The following NUAK2 variants were observed in gnomAD, a reference collection of about 807,000 sequenced individuals.
NUAK2 encodes NUAK family kinase 2, also known as NUAK family SNF1-like kinase 2.
A neutral mutation model predicts 29.8 loss-of-function variants in NUAK2; 20 were observed. That is an observed-to-expected ratio of 0.67 (90% CI 0.47 to 0.98). The LOEUF is 0.98. NUAK2 is among the 50% of genes least tolerant of loss of function. The pLI is 0.00. For missense variants in NUAK2, 719 were observed against 834.5 expected, an observed-to-expected ratio of 0.86 and a Z score of 1.71; for synonymous variants, 331 against 342.6, an observed-to-expected ratio of 0.97 and a Z score of 0.37.
In NUAK2 at chr1:205,303,058, T is replaced by C. The variant is rs140643045; in HGVS notation, c.*392A>G. The C allele has an allele frequency of 2.8e-4, 44 of 158,066 alleles. No homozygotes were observed. Among genetic ancestry groups the C allele is most frequent in the Non-Finnish European group, 4.6e-4 (33 of 72,414 alleles). The allele number at this position is 158,066 out of a possible 1,614,324, so 9.8% of individuals were successfully genotyped here. A position where few individuals can be genotyped will look rare whatever the true frequency, so the allele number is the denominator to read the frequency against. On this transcript the variant is annotated 3_prime_UTR_variant, in exon 7 of 7. Coordinates refer to ENST00000367157, the MANE Select transcript of NUAK2 (RefSeq NM_030952.3). ...GGTCTGGCCCCACTTGGGCAGGGAA[T>C]GAGTAGGGAAGGAGCTGTCCTTAGA... is the stretch of plus-strand genomic sequence containing the variant.
In NUAK2 at chr1:205,307,733, G is replaced by T. The variant is rs574245161; in HGVS notation, c.570+432C>A. Among the ~76,000 whole-genome samples the T allele has an allele frequency of 1.2e-4, 18 of 152,320 alleles. No homozygotes were observed. In the South Asian group the frequency reaches 3.3e-3, roughly 28 times the overall value. On this transcript the variant is annotated intron_variant, in intron 4 of 6. Coordinates refer to ENST00000367157, the MANE Select transcript of NUAK2 (RefSeq NM_030952.3). ...TTCATCTGTGGGAAGTTTCCAAAGG[G>T]CTATCTAATTGTACCAGATTAAAGC...
chr1:205,306,403 A>C lies in NUAK2; in HGVS notation c.571-96T>G, dbSNP rs1662181150. ...CCTTCTCCAGACCCTGGGGAAACCC[A>C]AGCTCCAATAGAAGGAAAGGGTCCC... On this transcript the variant is annotated intron_variant, in intron 4 of 6. Transcript: ENST00000367157. 6.1e-6 allele frequency: 9 copies of C among 1,467,660 alleles called. No homozygotes were observed. In the Admixed American group the frequency reaches 1.4e-4, roughly 22 times the overall value. The allele number at this position is 1,467,660 out of a possible 1,614,324, so 90.9% of individuals were successfully genotyped here.
rs11589331 is a variant in NUAK2, at chr1:205,304,656, A to G, written c.824-143T>C. ...CGTCCCTTCCAACCTAGGGCTCTAT[A>G]CATGCCTTGGCCCAGGACAGCTCCC... On this transcript the variant is annotated intron_variant, in intron 6 of 6. Coordinates refer to ENST00000367157, the MANE Select transcript of NUAK2 (RefSeq NM_030952.3). This position sits in a 1 kb window ranked among gnomAD's most constrained non-coding sequence, Gnocchi z 6.5. 0.097 allele frequency: 68,990 copies of G among 710,494 alleles called. 3,946 individuals are homozygous for G. Among genetic ancestry groups the G allele is most frequent in the Non-Finnish European group, 0.11 (49,005 of 439,744 alleles). 44.0% of individuals were successfully genotyped at this position (710,494 alleles called of 1,614,324 possible). A position where few individuals can be genotyped will look rare whatever the true frequency, so the allele number is the denominator to read the frequency against.
Position 205,302,568 on chromosome 1 carries a change from A to C in NUAK2, c.*882T>G, listed in dbSNP as rs1263233536. 2.0e-5 allele frequency: 3 copies of C among 152,210 alleles called. No homozygotes were observed. Among genetic ancestry groups the C allele is most frequent in the African/African-American group, 7.2e-5 (3 of 41,420 alleles). 9.4% of individuals were successfully genotyped at this position (152,210 alleles called of 1,614,324 possible). ...GGGAAGAGAACCATTGAAGAAACAG[A>C]GATTGTGTTCTCTTACTCCTAGGCT... On this transcript the variant is annotated 3_prime_UTR_variant, in exon 7 of 7. Transcript: ENST00000367157.
intron 1 of NUAK2, among the ~76,000 whole-genome samples, chr1:205,313,166 G>A (rs1383888312): frequency 4.6e-5 from 7 of 151,712 alleles, no homozygotes; most frequent in South Asian, 2.1e-4. Context: ...TAAATTTAAC[G>A]CTACTGGTAC....
chr1:205,305,476 G>A (rs1662167009), intron 5 of NUAK2, 145 bp from the exon 6 acceptor site: 1 of 1,423,582 alleles, frequency 7.0e-7, no homozygotes, highest in Non-Finnish European at 9.2e-7. Flanking sequence ...GAAGGGGTCT[G>A]AGATGTTGTC....
intron 1 of NUAK2, among the ~76,000 whole-genome samples, chr1:205,313,818 G>C (rs887242059): frequency 6.6e-6 from 1 of 152,202 alleles, no homozygotes; most frequent in Non-Finnish European, 1.5e-5. Flanking sequence ...GTGTCACAGG[G>C]CCGGCCAGTT....
rs188594405 is a variant in NUAK2, at chr1:205,303,838, C to T, written c.1499G>A (p.Gly500Asp). 6.2e-7 allele frequency: 1 copy of T among 1,608,164 alleles called. No homozygotes were observed. Residue 500 changes from glycine (G) to aspartate (D), a missense_variant, in exon 7 of 7, where the codon GGC (glycine) becomes GAC (aspartate). Gly to Asp is a moderately conservative substitution (Grantham distance 94). Around this residue, in one of 3 missense-constraint regions of NUAK2, gnomAD observed 430 missense variants for 465.7 expected, o/e 0.92. Coordinates refer to ENST00000367157, the MANE Select transcript of NUAK2 (RefSeq NM_030952.3). ...QASGLLLHRK[G>D]ILKLNGKFSQ... ...GAACTTGCCATTGAGTTTGAGGATGCCTTTGCGATGGAGGAGCAGCCCTGA... is the reference window on the plus strand; with the variant it reads ...GAACTTGCCATTGAGTTTGAGGATGTCTTTGCGATGGAGGAGCAGCCCTGA...
intron 1 of NUAK2, among the ~76,000 whole-genome samples, chr1:205,314,236 T>G (rs982567441): frequency 2.0e-5 from 3 of 152,132 alleles, no homozygotes; most frequent in African/African-American, 7.2e-5. Flanking sequence ...GAGCTTCATC[T>G]TTGAAAGAGG....
chr1:205,313,081 A>G (rs1424936617), intron 1 of NUAK2, among the ~76,000 whole-genome samples: 1 of 152,136 alleles, frequency 6.6e-6, no homozygotes, highest in African/African-American at 2.4e-5. Context: ...GGAAATGGGG[A>G]GGTGTTGTTT....
intron 1 of NUAK2, among the ~76,000 whole-genome samples, chr1:205,319,414 TACTC>T (rs891994090): frequency 6.6e-6 from 1 of 152,104 alleles, no homozygotes; most frequent in Non-Finnish European, 1.5e-5. Flanking sequence ...ATCTCTCTCT[TACTC>T]TCTCTCTCTC....
chr1:205,315,237 C>A (rs1662310685), intron 1 of NUAK2, among the ~76,000 whole-genome samples: 1 of 152,208 alleles, frequency 6.6e-6, no homozygotes, highest in Non-Finnish European at 1.5e-5. Flanking sequence ...CCTGGTGGGG[C>A]TAGACCACTG....
intron 6 of NUAK2, among the ~76,000 whole-genome samples, 174 bp downstream of exon 6, chr1:205,305,025 C>A (rs1471822337): frequency 6.6e-6 from 1 of 152,198 alleles, no homozygotes; most frequent in Non-Finnish European, 1.5e-5. Flanking sequence ...AAGAGCTATC[C>A]CCTCCTTCCC....
At position 205,304,262 on chromosome 1, in the gene NUAK2, G is replaced by T. The variant is rs764172834; in HGVS notation, c.1075C>A (p.Pro359Thr). ...KVCSFFKQHA[P>T]GGGSTTPGLE... is the part of the protein sequence containing the mutation. ...CCAGGGGTGGTGCTTCCCCCACCAG[G>T]TGCATGCTGCTTGAAGAAGCTGCAC... Residue 359 changes from proline (P) to threonine (T), a missense_variant, in exon 7 of 7, where the codon CCT becomes ACT. Transcript: ENST00000367157. The surrounding 1 kb of genome is among the most constrained non-coding windows in gnomAD (Gnocchi z 6.5). 2 of 1,614,078 alleles carry T rather than the reference G, an allele frequency of 1.2e-6. No homozygotes were observed. Among genetic ancestry groups the T allele is most frequent in the Non-Finnish European group, 1.7e-6 (2 of 1,179,994 alleles).
In NUAK2 at chr1:205,303,371, G is replaced by C. The variant is rs1008131286; in HGVS notation, c.*79C>G. The C allele has an allele frequency of 4.8e-6, 6 of 1,256,392 alleles. No homozygotes were observed. Among genetic ancestry groups the C allele is most frequent in the East Asian group, 5.0e-5 (2 of 40,296 alleles). The allele number at this position is 1,256,392 out of a possible 1,614,324, so 77.8% of individuals were successfully genotyped here. ...AGCTGGGATGCAGGTCCTGGGAGGTGGGGGAGAAGGCATCTCCCCTCGGGG... is the reference window on the plus strand; with the variant it reads ...AGCTGGGATGCAGGTCCTGGGAGGTCGGGGAGAAGGCATCTCCCCTCGGGG... On this transcript the variant is annotated 3_prime_UTR_variant, in exon 7 of 7. Transcript: ENST00000367157.
chr1:205,314,111 G>A (rs1323518504), intron 1 of NUAK2, among the ~76,000 whole-genome samples: 2 of 152,348 alleles, frequency 1.3e-5, no homozygotes, highest in Admixed American at 6.5e-5. Context: ...GTTCTCCATC[G>A]GACAAGAATG....
Position 205,308,667 on chromosome 1 carries a change from A to G in NUAK2, c.418T>C (p.Tyr140His), listed in dbSNP as rs1052556266. 2 of 1,614,102 alleles carry G rather than the reference A, an allele frequency of 1.2e-6. No homozygotes were observed. The highest frequency in any genetic ancestry group is 4.5e-5 in the East Asian group (2 of 44,860). The change falls in exon 3 of 7, where the codon TAC (tyrosine) becomes CAC (histidine). Residue 140 changes from tyrosine to histidine, a missense_variant. Around this residue, in one of 3 missense-constraint regions of NUAK2, gnomAD observed 283 missense variants for 345.6 expected, o/e 0.82. Transcript: ENST00000367157. The surrounding 1 kb of genome is among the most constrained non-coding windows in gnomAD (Gnocchi z 4.1). ...EYASRGDLYDYISERQQLSER... is the reference protein window; with the variant it reads ...EYASRGDLYDHISERQQLSER... ...CTGAGCTGCTGCCGCTCGCTGATGT[A>G]GTCATAAAGGTCGCCCCGGCTGGCA...
intron 1 of NUAK2, among the ~76,000 whole-genome samples, chr1:205,312,643 A>C (rs1364007127): frequency 1.3e-5 from 2 of 152,140 alleles, no homozygotes; most frequent in African/African-American, 4.8e-5. Flanking sequence ...CTGTACAAAA[A>C]ATTCAAAATC....
rs1233066288 is a variant in NUAK2, at chr1:205,302,305, A to G, written c.*1145T>C. Reference sequence around the variant, plus strand: ...TCACTTTTCCTAAAACACAAAGCCAAGAACATAAAAATAAATATGGACATT... The same window carrying G: ...TCACTTTTCCTAAAACACAAAGCCAGGAACATAAAAATAAATATGGACATT... On this transcript the variant is annotated 3_prime_UTR_variant, in exon 7 of 7. Transcript: ENST00000367157. The G allele has an allele frequency of 2.0e-5, 3 of 152,676 alleles. No homozygotes were observed. Among genetic ancestry groups the G allele is most frequent in the African/African-American group, 4.8e-5 (2 of 41,466 alleles). The allele number at this position is 152,676 out of a possible 1,614,324, so 9.5% of individuals were successfully genotyped here. A position where few individuals can be genotyped will look rare whatever the true frequency, so the allele number is the denominator to read the frequency against.
Sources: gnomAD v4.1 joint callset for allele counts (sites outside exome capture counted in the v4.1 genomes callset) on GRCh38, gnomAD v4.1.1 for gene constraint, gnomAD v4.1.1 regional missense constraint, Gnocchi (gnomAD v3.1) non-coding constraint, MANE v1.5 for transcripts, NCBI Gene and HGNC (gene_info 2026-07-23, HGNC 2026-07-21) for gene names.